COMMD10: variants seen among roughly 807,000 people sequenced by gnomAD.
The protein encoded by COMMD10 is COMM domain-containing protein 10.
COMMD10 carries 33 observed loss-of-function variants against 28.9 expected under a neutral mutation model. The observed-to-expected ratio is 1.14, with a 90% CI of 0.87 to 1.53. The LOEUF (loss-of-function observed/expected upper bound fraction) is 1.53. COMMD10 is among the 40% of genes most tolerant of loss of function. The pLI is 0.00. For synonymous variants in COMMD10, 110 were observed against 81.7 expected (o/e 1.35, Z -1.87); for missense variants, 310 against 233.4 (o/e 1.33, Z -2.14).
chr5:116,106,061 AT>A (rs1750828640), intron 4 of COMMD10, among the ~76,000 whole-genome samples: 1 of 146,652 alleles, frequency 6.8e-6, no homozygotes, highest in East Asian at 2.0e-4. Flanking sequence ...TAGGGTGTCG[AT>A]TTTAGATCTT....
chr5:116,195,531 C>T lies in COMMD10; in HGVS notation c.510+61353C>T, dbSNP rs192830256. 3.9e-5 allele frequency among the ~76,000 whole-genome samples: 6 copies of T among 152,144 alleles called. No individual in the cohort carries two copies. The East Asian group carries it at 1.2e-3, about 29-fold the overall frequency. ...CACCAACAGCGACCAAACAGAGAATCAAGTCAAGAACTCAACCCCTTTTAC... is the reference window on the plus strand; with the variant it reads ...CACCAACAGCGACCAAACAGAGAATTAAGTCAAGAACTCAACCCCTTTTAC... On this transcript the variant is annotated intron_variant, in intron 5 of 6. Transcript: ENST00000274458.
At chr5:116,115,589 T>C (rs1383964163) in intron 4 of COMMD10, among the ~76,000 whole-genome samples, 2 of 152,178 alleles carry the variant, frequency 1.3e-5, no homozygotes, top group Non-Finnish European at 2.9e-5. Flanking sequence ...TCTGTTTGAT[T>C]TTGTTGTTGT....
chr5:116,218,842 G>A lies in COMMD10; in HGVS notation c.511-72675G>A, dbSNP rs150719984. On this transcript the variant is annotated intron_variant, in intron 5 of 6. Coordinates refer to ENST00000274458, the MANE Select transcript of COMMD10 (RefSeq NM_016144.4). ...AATCCCAGTTAGCTTTGAATAGGGC[G>A]TTGACTCTACCCCCATATTAATATT... Among the ~76,000 whole-genome samples the A allele has an allele frequency of 1.2e-3, 176 of 152,206 alleles. 1 individual carries two copies. Among genetic ancestry groups the A allele is most frequent in the Admixed American group, 2.6e-3 (39 of 15,294 alleles).
intron 5 of COMMD10, among the ~76,000 whole-genome samples, chr5:116,226,389 A>C (rs1456886606): frequency 6.6e-6 from 1 of 150,404 alleles, no homozygotes; most frequent in Non-Finnish European, 1.5e-5. Context: ...CCAAATTTGT[A>C]AGTTCATGTT....
At chr5:116,151,601 G>A (rs533764990) in intron 5 of COMMD10, among the ~76,000 whole-genome samples, 3 of 152,070 alleles carry the variant, frequency 2.0e-5, no homozygotes, top group Non-Finnish European at 2.9e-5. Context: ...TATATGTGTC[G>A]AGGAATTTAT....
chr5:116,231,699 T>C (rs1418975708), intron 5 of COMMD10, among the ~76,000 whole-genome samples: 1 of 152,174 alleles, frequency 6.6e-6, no homozygotes, highest in Non-Finnish European at 1.5e-5. Flanking sequence ...TAAAATGCTT[T>C]TGCTCTTTTA....
intron 5 of COMMD10, among the ~76,000 whole-genome samples, chr5:116,134,997 A>G (rs1026307858): frequency 1.3e-5 from 2 of 152,200 alleles, no homozygotes; most frequent in African/African-American, 4.8e-5. Flanking sequence ...TTAAAGATCA[A>G]AGCATTGCTA....
intron 4 of COMMD10, among the ~76,000 whole-genome samples, chr5:116,129,710 T>TATATATACTATATACTATAATATACATTA: frequency 1.1e-4 from 1 of 9,282 alleles, no homozygotes; most frequent in African/African-American, 4.3e-4. Flanking sequence ...TATACATTAG[T>TATATATACTATATACTATAATATACATTA]GTATATATAT....
intron 5 of COMMD10, among the ~76,000 whole-genome samples, chr5:116,165,690 GTTTCTT>G (rs1392714813): frequency 2.0e-5 from 3 of 150,512 alleles, no homozygotes; most frequent in African/African-American, 7.5e-5. Flanking sequence ...GTCTCTTATT[GTTTCTT>G]TTTCTTTTTT....
chr5:116,127,284 T>C (rs1452489890), intron 4 of COMMD10, among the ~76,000 whole-genome samples: 1 of 152,176 alleles, frequency 6.6e-6, no homozygotes, highest in Non-Finnish European at 1.5e-5. Flanking sequence ...CAACAGGTGC[T>C]GAAGAGGATG....
chr5:116,234,891 G>T (rs1041744209), intron 5 of COMMD10, among the ~76,000 whole-genome samples: 2 of 152,152 alleles, frequency 1.3e-5, no homozygotes, highest in African/African-American at 4.8e-5. Flanking sequence ...GGGAAAAAGG[G>T]TGACAGCTCT....
intron 5 of COMMD10, among the ~76,000 whole-genome samples, chr5:116,197,499 A>C (rs1013363601): frequency 6.6e-6 from 1 of 151,992 alleles, no homozygotes; most frequent in Non-Finnish European, 1.5e-5. Flanking sequence ...CACCCACCTC[A>C]GCTTCCTGAG....
At chr5:116,156,306 G>T (rs902660427) in intron 5 of COMMD10, among the ~76,000 whole-genome samples, 7 of 152,118 alleles carry the variant, frequency 4.6e-5, no homozygotes, top group Non-Finnish European at 8.8e-5. Context: ...ATGTCAAGCA[G>T]ATTACTTAAC....
At chr5:116,182,364 A>G (rs1346884138) in intron 5 of COMMD10, among the ~76,000 whole-genome samples, 2 of 152,038 alleles carry the variant, frequency 1.3e-5, no homozygotes, top group African/African-American at 2.4e-5. Flanking sequence ...CGATTTATGT[A>G]AATTAATTAA....
Position 116,236,781 on chromosome 5 carries a change from C to A in COMMD10, c.511-54736C>A, listed in dbSNP as rs563986527. On this transcript the variant is annotated intron_variant, in intron 5 of 6. Transcript: ENST00000274458. ...ATTCAAACTCACAGAATTTACAACA[C>A]CAAGAGTGAACCCTAATGTAAACTA... Among the ~76,000 whole-genome samples the A allele has an allele frequency of 9.9e-5, 15 of 152,056 alleles. No individual in the cohort carries two copies. The East Asian group carries it at 2.9e-3, about 29-fold the overall frequency.
chr5:116,115,388 A>C (rs982844197), intron 4 of COMMD10, among the ~76,000 whole-genome samples: 8 of 151,762 alleles, frequency 5.3e-5, no homozygotes, highest in African/African-American at 1.9e-4. Context: ...CTCTTTTTGG[A>C]GTTTCTGTTT....
At chr5:116,192,021 G>C (rs1748384074) in intron 5 of COMMD10, among the ~76,000 whole-genome samples, 1 of 151,822 alleles carries the variant, frequency 6.6e-6, no homozygotes, top group Non-Finnish European at 1.5e-5. Context: ...TACCAGCCTG[G>C]AGCCGGGTAG....
chr5:116,229,234 G>A (rs578166357), intron 5 of COMMD10, among the ~76,000 whole-genome samples: 12 of 151,858 alleles, frequency 7.9e-5, no homozygotes, highest in African/African-American at 2.4e-4. Flanking sequence ...TTTGAGTCTG[G>A]GGCAGACAGA....
At chr5:116,101,413 TA>T (rs1750654355) in intron 4 of COMMD10, among the ~76,000 whole-genome samples, 1 of 151,948 alleles carries the variant, frequency 6.6e-6, no homozygotes, top group African/African-American at 2.4e-5. Flanking sequence ...TTAACTTTTT[TA>T]TTTTTTATTT....
Sources: allele counts gnomAD v4.1 joint callset (sites outside exome capture counted in the v4.1 genomes callset), GRCh38; gene constraint gnomAD v4.1.1; transcripts MANE v1.5; gene names NCBI Gene and HGNC (gene_info 2026-07-23, HGNC 2026-07-21).